The following PHF21B variants were observed in gnomAD, a reference collection of about 807,000 sequenced individuals.
PHF21B encodes PHD finger protein 21B.
A neutral mutation model predicts 62.2 loss-of-function variants in PHF21B; 22 were observed. The observed-to-expected ratio is 0.35, with a 90% confidence interval of 0.25 to 0.51. The LOEUF (loss-of-function observed/expected upper bound fraction) is 0.51, where lower values mean the gene tolerates loss of function less well. Ranked by LOEUF, PHF21B falls within the 20% of genes least tolerant of loss-of-function variation. The pLI is 0.97. For synonymous variants in PHF21B, 341 were observed against 314.7 expected (o/e 1.08, Z -0.88); for missense variants, 701 against 707.9 (o/e 0.99, Z 0.11).
At position 45,009,434 on chromosome 22, in the gene PHF21B, C is replaced by T; in HGVS notation, c.54+62G>A. 6.9e-7 allele frequency: 1 copy of T among 1,441,480 alleles called. No individual in the cohort carries two copies. The highest frequency in any genetic ancestry group is 9.2e-7 in the Non-Finnish European group (1 of 1,081,248). 89.3% of individuals were successfully genotyped at this position (1,441,480 alleles called of 1,614,324 possible). A position where few individuals can be genotyped will look rare whatever the true frequency, so the allele number is the denominator to read the frequency against. ...GGAAGAGAGGATGCTGGGCTCGGGT[C>T]CCCCGACCCCCTCACCCCGCAACAC... On this transcript the variant is annotated intron_variant, in intron 1 of 12. Coordinates refer to ENST00000313237, the MANE Select transcript of PHF21B (RefSeq NM_138415.5). The surrounding 1 kb of genome is among the most constrained non-coding windows in gnomAD (Gnocchi z 5.9).
At chr22:44,894,953 T>A (rs559151251) in intron 6 of PHF21B, among the ~76,000 whole-genome samples, 109 of 152,350 alleles carry the variant, frequency 7.2e-4, no homozygotes, top group African/African-American at 2.6e-3. Flanking sequence ...GTGGCTCACC[T>A]GCTGCAATGG....
chr22:44,933,715 TAA>T (rs1491519268), intron 2 of PHF21B, among the ~76,000 whole-genome samples: 10 of 67,746 alleles, frequency 1.5e-4, no homozygotes, highest in African/African-American at 4.1e-4. Flanking sequence ...TTCGTGCAGA[TAA>T]GAGAGAGAGA....
chr22:44,951,708 T>G (rs2072198229), intron 2 of PHF21B, among the ~76,000 whole-genome samples: 1 of 152,246 alleles, frequency 6.6e-6, no homozygotes, highest in Middle Eastern at 3.2e-3. Context: ...TTGGGTTGTT[T>G]CCAGTTTGGA....
intron 5 of PHF21B, among the ~76,000 whole-genome samples, chr22:44,900,072 G>C (rs4428115): frequency 1.3e-5 from 2 of 152,104 alleles, no homozygotes; most frequent in Non-Finnish European, 2.9e-5. Flanking sequence ...GCTCATCTGA[G>C]AACTCTTTCC....
intron 2 of PHF21B, among the ~76,000 whole-genome samples, chr22:44,942,789 C>T (rs534771336): frequency 6.6e-6 from 1 of 152,270 alleles, no homozygotes; most frequent in East Asian, 1.9e-4. Context: ...GGAGGACACC[C>T]GGGACGGGGG....
chr22:44,933,393 G>T, intron 2 of PHF21B: 1 of 920,498 alleles, frequency 1.1e-6, no homozygotes, highest in Non-Finnish European at 1.3e-6. Flanking sequence ...TTACAGGCGT[G>T]AGCCACTGCG....
At chr22:44,954,025 G>T (rs2072245246) in intron 2 of PHF21B, among the ~76,000 whole-genome samples, 1 of 152,194 alleles carries the variant, frequency 6.6e-6, no homozygotes, top group Non-Finnish European at 1.5e-5. Context: ...GCCTCTCCCG[G>T]CTCAGAGCAG....
At chr22:44,898,947 T>A (rs563404406) in intron 5 of PHF21B, among the ~76,000 whole-genome samples, 1 of 152,184 alleles carries the variant, frequency 6.6e-6, no homozygotes, top group Non-Finnish European at 1.5e-5. Flanking sequence ...TAAATTATCA[T>A]AGATCTATTT....
intron 2 of PHF21B, among the ~76,000 whole-genome samples, chr22:44,983,360 C>T (rs921567079): frequency 2.0e-5 from 3 of 152,312 alleles, no homozygotes; most frequent in Middle Eastern, 6.8e-3. Flanking sequence ...TTTGCTGCCG[C>T]TGGTGGCTCT....
intron 2 of PHF21B, among the ~76,000 whole-genome samples, chr22:44,975,940 G>A (rs1041600901): frequency 4.6e-5 from 7 of 152,260 alleles, no homozygotes; most frequent in East Asian, 1.9e-4. Context: ...GGCCAAGGCA[G>A]ACGGATTGCT....
chr22:44,894,709 C>A (rs1301991462), intron 6 of PHF21B, among the ~76,000 whole-genome samples: 1 of 152,164 alleles, frequency 6.6e-6, no homozygotes, highest in East Asian at 1.9e-4. Flanking sequence ...CTTCCCTGCC[C>A]AGGGATCTGG....
chr22:44,957,154 C>G (rs1386786260), intron 2 of PHF21B, among the ~76,000 whole-genome samples: 1 of 152,214 alleles, frequency 6.6e-6, no homozygotes, highest in Non-Finnish European at 1.5e-5. Flanking sequence ...TACCTGTGGC[C>G]TCCCTGGCTG....
At chr22:44,884,496 A>T (rs1444189055) in intron 12 of PHF21B, among the ~76,000 whole-genome samples, 1 of 150,010 alleles carries the variant, frequency 6.7e-6, no homozygotes, top group African/African-American at 2.5e-5. Flanking sequence ...CATGATCACC[A>T]TCGTCACCAC....
chr22:44,891,283 G>T, intron 8 of PHF21B, 23 bp downstream of exon 8: 1 of 1,613,122 alleles, frequency 6.2e-7, no homozygotes, highest in South Asian at 1.1e-5. Flanking sequence ...AGCTCTGGCA[G>T]AAGGCCTGAA....
At chr22:44,913,799 C>A in intron 5 of PHF21B, 23 bp downstream of exon 5, 1 of 1,603,184 alleles carries the variant, frequency 6.2e-7, no homozygotes, top group African/African-American at 1.3e-5. Context: ...AGGGCCTGGG[C>A]CCTCCGGAGA....
At chr22:44,946,389 T>A (rs374554478) in intron 2 of PHF21B, among the ~76,000 whole-genome samples, 132 of 152,234 alleles carry the variant, frequency 8.7e-4, no homozygotes, top group African/African-American at 3.1e-3. Flanking sequence ...TGGGCTCTCA[T>A]CTCTCAGAGC....
chr22:44,920,431 C>A lies in PHF21B; in HGVS notation c.180G>T (p.Arg60Ser). Residue 60 changes from arginine to serine, a missense_variant, in exon 3 of 13, where the codon AGG (arginine) becomes AGT (serine). By Grantham distance (110) the Arg-to-Ser change is moderately radical (BLOSUM62 -1). Coordinates refer to ENST00000313237, the MANE Select transcript of PHF21B (RefSeq NM_138415.5). Reference protein sequence around the residue: ...VTGPQVSSLQRLAGQGAAVLP... With the variant: ...VTGPQVSSLQSLAGQGAAVLP... Reference sequence around the variant, plus strand: ...GCACTGCCGCTCCTTGCCCGGCCAACCTCTGCAAGGAGCTGACCTGAGGAC... The same window carrying A: ...GCACTGCCGCTCCTTGCCCGGCCAAACTCTGCAAGGAGCTGACCTGAGGAC... 6.2e-7 allele frequency: 1 copy of A among 1,612,738 alleles called. No homozygotes were observed. The highest frequency in any genetic ancestry group is 8.5e-7 in the Non-Finnish European group (1 of 1,179,256).
chr22:45,008,462 G>T, intron 2 of PHF21B, 83 bp downstream of exon 2: 1 of 1,342,088 alleles, frequency 7.5e-7, no homozygotes, highest in Non-Finnish European at 1.0e-6. Context: ...GCGTCGCCCA[G>T]GCTGGCACTT....
intron 2 of PHF21B, among the ~76,000 whole-genome samples, chr22:45,007,866 A>G (rs1356174921): frequency 6.6e-6 from 1 of 151,328 alleles, no homozygotes; most frequent in African/African-American, 2.4e-5. Context: ...GCTCAGCGCA[A>G]CTAAGTCACA....
Sources: allele counts gnomAD v4.1 joint callset (sites outside exome capture counted in the v4.1 genomes callset), GRCh38; gene constraint gnomAD v4.1.1; non-coding constraint Gnocchi (gnomAD v3.1); transcripts MANE v1.5; gene names NCBI Gene and HGNC (gene_info 2026-07-23, HGNC 2026-07-21).